ADGRG7: variants seen among roughly 807,000 people sequenced by gnomAD.
The protein encoded by ADGRG7 is G-protein coupled receptor 128.
A neutral mutation model predicts 88.6 loss-of-function variants in ADGRG7; 82 were observed. The ratio of observed to expected loss-of-function variants is 0.93; its 90% CI spans 0.77 to 1.11. The LOEUF (loss-of-function observed/expected upper bound fraction) is 1.11. Among genes scored for constraint, ADGRG7 ranks in the 50% most tolerant of loss-of-function variants. ADGRG7 has a pLI of 0.00. For missense variants in ADGRG7, 945 were observed against 953.4 expected, an observed-to-expected ratio of 0.99 and a Z score of 0.12; for synonymous variants, 381 against 345.2, an observed-to-expected ratio of 1.10 and a Z score of -1.15.
chr3:100,677,603 C>T (rs1487860441), intron 15 of ADGRG7, among the ~76,000 whole-genome samples: 2 of 152,034 alleles, frequency 1.3e-5, no homozygotes, highest in Non-Finnish European at 2.9e-5. Context: ...TCTTGTAGGT[C>T]AGGGCTGGTG....
At chr3:100,679,720 A>G (rs1339331531) in intron 15 of ADGRG7, among the ~76,000 whole-genome samples, 1 of 152,112 alleles carries the variant, frequency 6.6e-6, no homozygotes, top group Non-Finnish European at 1.5e-5. Context: ...TGAGTAGGAG[A>G]GATTTTTGTC....
chr3:100,640,726 T>A (rs553855546), intron 6 of ADGRG7, among the ~76,000 whole-genome samples: 2 of 152,286 alleles, frequency 1.3e-5, no homozygotes, highest in East Asian at 3.9e-4. Flanking sequence ...TTCACCATGT[T>A]GATCAGGCTA....
chr3:100,689,409 A>T (rs1266913325), intron 15 of ADGRG7, among the ~76,000 whole-genome samples: 2 of 152,170 alleles, frequency 1.3e-5, no homozygotes, highest in African/African-American at 4.8e-5. Flanking sequence ...TGTGAATTTG[A>T]TCCTGTCATT....
intron 2 of ADGRG7, 119 bp downstream of exon 2, chr3:100,629,830 T>C: frequency 1.5e-6 from 1 of 668,002 alleles, no homozygotes; most frequent in East Asian, 2.8e-5. Context: ...GACATAATGA[T>C]GATGGCTTTA....
rs775532621 is a variant in ADGRG7 at position 100,694,835 on chromosome 3, G to A, written c.2228G>A (p.Arg743Lys). ...KVLMLLSSIG[R>K]RKSLPSVTRP... ...TTGATGTTGCTATCGTCTATTGGGA[G>A]AAGGAAGTCATTGCCTTCAGTGACG... is the stretch of plus-strand genomic sequence containing the variant. Residue 743 changes from arginine to lysine, a missense_variant, in exon 16 of 16, where the codon AGA becomes AAA. Arg to Lys is a conservative substitution (Grantham distance 26). Coordinates refer to ENST00000273352, the MANE Select transcript of ADGRG7 (RefSeq NM_032787.3). 7 of 1,614,184 alleles carry A rather than the reference G, an allele frequency of 4.3e-6. No homozygotes were observed. The South Asian group carries it at 7.7e-5, about 18-fold the overall frequency.
At chr3:100,627,353 A>G (rs1205299164) in intron 1 of ADGRG7, among the ~76,000 whole-genome samples, 2 of 152,176 alleles carry the variant, frequency 1.3e-5, no homozygotes, top group Non-Finnish European at 2.9e-5. Flanking sequence ...CATATGATTA[A>G]TTAAATTAAT....
Position 100,643,369 on chromosome 3 carries a change from G to A in ADGRG7, c.802G>A (p.Val268Met), listed in dbSNP as rs1402100267. 1 of 1,613,936 alleles carries A rather than the reference G, an allele frequency of 6.2e-7. No homozygotes were observed. Among genetic ancestry groups the A allele is most frequent in the Non-Finnish European group, 8.5e-7 (1 of 1,179,946 alleles). Residue 268 changes from valine (V) to methionine (M), a missense_variant, in exon 7 of 16, where the codon GTG becomes ATG. Transcript: ENST00000273352. ...QSANFSSENA[V>M]GPSNVRFSVQ... ...AGCAAATTTCTCTTCAGAAAATGCG[G>A]TGGGGCCTTCAAATGTTCGCTTCTC...
chr3:100,635,041 G>A (rs983050908), intron 4 of ADGRG7, among the ~76,000 whole-genome samples: 7 of 145,350 alleles, frequency 4.8e-5, no homozygotes, highest in Non-Finnish European at 9.0e-5. Flanking sequence ...ACACACACAC[G>A]TGCGCGCGCA....
chr3:100,688,268 T>A (rs991640369), intron 15 of ADGRG7, among the ~76,000 whole-genome samples: 7 of 152,204 alleles, frequency 4.6e-5, no homozygotes, highest in African/African-American at 1.2e-4. Context: ...CTTCTCTCTT[T>A]TCTTCTTTAT....
intron 15 of ADGRG7, among the ~76,000 whole-genome samples, chr3:100,682,464 G>A (rs2094974844): frequency 6.6e-6 from 1 of 152,214 alleles, no homozygotes; most frequent in Non-Finnish European, 1.5e-5. Flanking sequence ...TCCTGCGCCT[G>A]GGGAACAGTC....
chr3:100,612,374 T>C (rs943549902), intron 1 of ADGRG7, among the ~76,000 whole-genome samples: 1 of 152,210 alleles, frequency 6.6e-6, no homozygotes, highest in African/African-American at 2.4e-5. Flanking sequence ...CTAGGTACTA[T>C]GCTAAAAACT....
intron 15 of ADGRG7, among the ~76,000 whole-genome samples, chr3:100,673,525 G>A (rs1159137645): frequency 2.7e-5 from 4 of 149,930 alleles, no homozygotes; most frequent in South Asian, 2.1e-4. Flanking sequence ...ACAATGGTGT[G>A]ATCTCAGCTC....
At position 100,658,636 on chromosome 3, in the gene ADGRG7, AG is replaced by A. The variant is rs1576328559; in HGVS notation, c.1824-1050del. 3.9e-5 allele frequency among the ~76,000 whole-genome samples: 6 copies of A among 152,190 alleles called. No individual in the cohort carries two copies. The East Asian group carries it at 1.2e-3, about 29-fold the overall frequency. On this transcript the variant is annotated intron_variant, in intron 13 of 15. Transcript: ENST00000273352. ...AACACCCTTCCCCATCATCTACTTC[AG>A]GTCTTTGCTCAAATACAGCTTTTTT...
intron 6 of ADGRG7, among the ~76,000 whole-genome samples, chr3:100,638,226 C>T (rs1707579088): frequency 6.6e-6 from 1 of 152,156 alleles, no homozygotes; most frequent in African/African-American, 2.4e-5. Flanking sequence ...TTGTCCAGTG[C>T]CCAAGAAGAA....
intron 8 of ADGRG7, among the ~76,000 whole-genome samples, chr3:100,644,156 G>A (rs939448859): frequency 1.7e-4 from 25 of 149,474 alleles, no homozygotes; most frequent in African/African-American, 5.1e-4. Context: ...ATTCTTACAC[G>A]TAACTTGAAG....
At chr3:100,693,149 G>A (rs1029339430) in intron 15 of ADGRG7, among the ~76,000 whole-genome samples, 17 of 151,978 alleles carry the variant, frequency 1.1e-4, no homozygotes, top group African/African-American at 4.1e-4. Flanking sequence ...CCAACAGGAT[G>A]GTGTTTTTAT....
At chr3:100,653,667 A>G (rs1054595568) in intron 11 of ADGRG7, among the ~76,000 whole-genome samples, 3 of 152,106 alleles carry the variant, frequency 2.0e-5, no homozygotes, top group African/African-American at 7.2e-5. Flanking sequence ...TAATTTTTCT[A>G]CTGGTCTTGC....
At chr3:100,672,415 A>G (rs911394287) in intron 15 of ADGRG7, among the ~76,000 whole-genome samples, 8 of 152,182 alleles carry the variant, frequency 5.3e-5, no homozygotes, top group Admixed American at 3.9e-4. Flanking sequence ...TTGTATCCTG[A>G]GACATTACTG....
intron 14 of ADGRG7, 91 bp downstream of exon 14, chr3:100,659,934 C>T: frequency 8.1e-7 from 1 of 1,227,914 alleles, no homozygotes. Flanking sequence ...CAGAAGCTTT[C>T]AAACTGAGAC....
Sources: gnomAD v4.1 joint callset for allele counts (sites outside exome capture counted in the v4.1 genomes callset) on GRCh38, gnomAD v4.1.1 for gene constraint, MANE v1.5 for transcripts, NCBI Gene and HGNC (gene_info 2026-07-23, HGNC 2026-07-21) for gene names.